The following SPOCK2 variants were observed in gnomAD, a reference collection of about 807,000 sequenced individuals.
SPOCK2 encodes testican-2.
In SPOCK2, 39 loss-of-function variants were observed where a neutral mutation model predicts 60.1. That is an observed-to-expected ratio of 0.65 (90% CI 0.50 to 0.85). SPOCK2 has a LOEUF of 0.85. Among genes scored for constraint, SPOCK2 ranks in the 40% least tolerant of loss-of-function variants. The pLI is 0.00. For synonymous variants in SPOCK2, 217 were observed against 231.5 expected, an observed-to-expected ratio of 0.94 and a Z score of 0.57; for missense variants, 523 against 567.4, an observed-to-expected ratio of 0.92 and a Z score of 0.80.
At chr10:72,078,194 A>G (rs1840738981) in intron 1 of SPOCK2, among the ~76,000 whole-genome samples, 1 of 152,202 alleles carries the variant, frequency 6.6e-6, no homozygotes, top group Non-Finnish European at 1.5e-5. Context: ...TGTAATAAAG[A>G]GAAAAAACAT....
chr10:72,073,406 AG>A (rs1317828408), intron 1 of SPOCK2, among the ~76,000 whole-genome samples: 2 of 152,190 alleles, frequency 1.3e-5, no homozygotes, highest in African/African-American at 2.4e-5. Context: ...CAGTCTGCAA[AG>A]GGATGCTTTT....
At chr10:72,072,954 G>A (rs1243711229) in intron 1 of SPOCK2, 44 bp from the exon 2 acceptor site, 3 of 1,552,594 alleles carry the variant, frequency 1.9e-6, no homozygotes, top group Admixed American at 2.0e-5. Flanking sequence ...AACGGAGCAG[G>A]AAGAGAAAGG....
intron 7 of SPOCK2, 76 bp from the exon 8 acceptor site, chr10:72,067,196 G>A (rs980536584): frequency 3.3e-5 from 46 of 1,410,976 alleles, no homozygotes; most frequent in African/African-American, 3.1e-4. Context: ...TCTCCGCCTC[G>A]CCATCAGCCC....
rs1467761078 is a variant in SPOCK2 at position 72,088,223 on chromosome 10, C to A, written c.106G>T (p.Gly36Cys). 1 of 1,612,456 alleles carries A rather than the reference C, an allele frequency of 6.2e-7. No individual in the cohort carries two copies. Among genetic ancestry groups the A allele is most frequent in the African/African-American group, 1.3e-5 (1 of 74,894 alleles). ...CATTGCTCGTCCTCCATGAAATTGCCGGGGGTCTCGCCCTCCTTGAGCCCC... is the reference window on the plus strand; with the variant it reads ...CATTGCTCGTCCTCCATGAAATTGCAGGGGGTCTCGCCCTCCTTGAGCCCC... Reference protein sequence around the residue: ...AKGLKEGETPGNFMEDEQWLS... With the variant: ...AKGLKEGETPCNFMEDEQWLS... The change falls in exon 1 of 11, where the codon GGC (glycine) becomes TGC (cysteine). Residue 36 changes from glycine to cysteine, a missense_variant. By Grantham distance (159) the Gly-to-Cys change is radical (BLOSUM62 -3). Coordinates refer to ENST00000373109, the MANE Select transcript of SPOCK2 (RefSeq NM_001244950.2).
chr10:72,063,044 C>G lies in SPOCK2; in HGVS notation c.1110G>C (p.Thr370=). 1.3e-6 allele frequency: 2 copies of G among 1,553,788 alleles called. No individual in the cohort carries two copies. The highest frequency in any genetic ancestry group is 1.2e-5 in the South Asian group (1 of 84,252). The change falls in exon 10 of 11, where the codon ACG becomes ACC. Residue 370 remains threonine, a synonymous_variant. Coordinates refer to ENST00000373109, the MANE Select transcript of SPOCK2 (RefSeq NM_001244950.2). ...CCGTACCGCAGTCGGGGCTCCCATG[C>G]GTGCGCGTGCCAGTCAGCTCCAGGC... ...QLGLELTGTR[T]HGSPDCDDIV...
chr10:72,076,837 G>T (rs11592980), intron 1 of SPOCK2, among the ~76,000 whole-genome samples: 1 of 152,266 alleles, frequency 6.6e-6, no homozygotes, highest in East Asian at 1.9e-4. Flanking sequence ...AGGAGAAAAC[G>T]AAGGCTCAGA....
chr10:72,072,027 T>C, intron 4 of SPOCK2, 117 bp downstream of exon 4: 1 of 808,778 alleles, frequency 1.2e-6, no homozygotes, highest in Non-Finnish European at 1.8e-6. Context: ...TTTTAAGCAC[T>C]AAGTTTTACA....
chr10:72,086,608 G>A, intron 1 of SPOCK2: 1 of 1,193,758 alleles, frequency 8.4e-7, no homozygotes, highest in Non-Finnish European at 1.1e-6. Context: ...CGGCTCATCT[G>A]CGCTGGGCCT....
intron 9 of SPOCK2, 99 bp from the exon 10 acceptor site, chr10:72,063,261 A>G (rs1668172): frequency 0.57 from 844,749 of 1,493,402 alleles, 243,443 homozygotes; most frequent in African/African-American, 0.87. Context: ...AGAAGTCTAT[A>G]CACCCCCAGA....
In SPOCK2 at chr10:72,062,845, T is replaced by C; in HGVS notation, c.1190A>G (p.Glu397Gly). 1 of 1,605,698 alleles carries C rather than the reference T, an allele frequency of 6.2e-7. No homozygotes were observed. Among genetic ancestry groups the C allele is most frequent in the Admixed American group, 1.7e-5 (1 of 59,160 alleles). Residue 397 changes from glutamate (E) to glycine (G), a missense_variant, in exon 11 of 11, where the codon GAG becomes GGG. Physicochemically the swap from Glu to Gly is moderately conservative, Grantham distance 98. Transcript: ENST00000373109. The surrounding 1 kb of genome is among the most constrained non-coding windows in gnomAD (Gnocchi z 4.3). ...GSGVGWEDEEEKETEEAGEEA... is the reference protein window; with the variant it reads ...GSGVGWEDEEGKETEEAGEEA... ...CTCGCCTGCTTCCTCCGTCTCCTTCTCCTCCTCATCCTCCCAGCCGACACC... is the reference window on the plus strand; with the variant it reads ...CTCGCCTGCTTCCTCCGTCTCCTTCCCCTCCTCATCCTCCCAGCCGACACC...
rs149165679 is a variant in SPOCK2 at position 72,070,415 on chromosome 10, G to A, written c.371C>T (p.Pro124Leu). The part of the protein sequence containing the change: ...RKKLEHRIKQ[P>L]TVKLHGNKDS... ...TTTGTTTCCATGGAGTTTCACGGTC[G>A]GCTGCTTGATCCTACAGGAGAGGGT... Residue 124 changes from proline (P) to leucine (L), a missense_variant, in exon 5 of 11, where the codon CCG becomes CTG. By Grantham distance (98) the Pro-to-Leu change is moderately conservative. Transcript: ENST00000373109. 2.2e-5 allele frequency: 35 copies of A among 1,614,124 alleles called. No homozygotes were observed. The highest frequency in any genetic ancestry group is 1.9e-4 in the African/African-American group (14 of 75,060).
At chr10:72,078,333 A>G (rs4328153) in intron 1 of SPOCK2, among the ~76,000 whole-genome samples, 9,285 of 151,938 alleles carry the variant, frequency 0.061, 948 homozygotes, top group African/African-American at 0.21. Context: ...ATAACACGGT[A>G]AAACCCCATC....
Position 72,062,962 on chromosome 10 carries a change from C to T in SPOCK2, c.1130-57G>A, listed in dbSNP as rs1840515124. 1 of 1,583,262 alleles carries T rather than the reference C, an allele frequency of 6.3e-7. No homozygotes were observed. Among genetic ancestry groups the T allele is most frequent in the African/African-American group, 1.3e-5 (1 of 74,510 alleles). The stretch of plus-strand genomic sequence containing the variant: ...GGAGCTTCTGGCACGCACCCCCCAG[C>T]ATCCCACGACAAGGGCCCCCAGGCC... On this transcript the variant is annotated intron_variant, in intron 10 of 10. Transcript: ENST00000373109. This position sits in a 1 kb window ranked among gnomAD's most constrained non-coding sequence, Gnocchi z 4.3.
Position 72,069,468 on chromosome 10 carries a change from C to CTT in SPOCK2, c.474+842_474+843dup, listed in dbSNP as rs869082110. ...TATCAGCACCTGCATTTCTATGTTA[C>CTT]TTTTTTTTTTTTTTTTTTGGAGACA... On this transcript the variant is annotated intron_variant, in intron 5 of 10. Coordinates refer to ENST00000373109, the MANE Select transcript of SPOCK2 (RefSeq NM_001244950.2). Among the ~76,000 whole-genome samples the CTT allele has an allele frequency of 1.4e-3, 199 of 138,596 alleles. 1 individual carries two copies. The highest frequency in any genetic ancestry group is 4.8e-3 in the African/African-American group (182 of 38,130). 90.9% of individuals were successfully genotyped at this position (138,596 alleles called of 152,430 possible). A position where few individuals can be genotyped will look rare whatever the true frequency, so the allele number is the denominator to read the frequency against.
chr10:72,062,886 C>G lies in SPOCK2; in HGVS notation c.1149G>C (p.Ser383=). 6.3e-7 allele frequency: 1 copy of G among 1,599,432 alleles called. No homozygotes were observed. The highest frequency in any genetic ancestry group is 8.5e-7 in the Non-Finnish European group (1 of 1,174,990). ...AGCCGACACCGCTTCCAAAGTCCCC[C>G]GAGAAGCCCACGATGTCATCTGTGA... The part of the protein sequence containing the change: ...SPDCDDIVGF[S]GDFGSGVGWE... Residue 383 remains serine, a synonymous_variant, in exon 11 of 11, where the codon TCG becomes TCC. Coordinates refer to ENST00000373109, the MANE Select transcript of SPOCK2 (RefSeq NM_001244950.2). This position sits in a 1 kb window ranked among gnomAD's most constrained non-coding sequence, Gnocchi z 4.3.
chr10:72,069,940 C>T (rs1840622363), intron 5 of SPOCK2: 1 of 174,776 alleles, frequency 5.7e-6, no homozygotes, highest in Non-Finnish European at 1.2e-5. Flanking sequence ...TGTGGAAATC[C>T]TCCTTTCTTC....
rs1489138499 is a variant in SPOCK2, at chr10:72,077,784, A to T, written c.190-4874T>A. On this transcript the variant is annotated intron_variant, in intron 1 of 10. Coordinates refer to ENST00000373109, the MANE Select transcript of SPOCK2 (RefSeq NM_001244950.2). Reference sequence around the variant, plus strand: ...CCAATTCCAGGCCCGTTCCTGGAGCACGCTTACCGTGCCACCCTCACCAAC... The same window carrying T: ...CCAATTCCAGGCCCGTTCCTGGAGCTCGCTTACCGTGCCACCCTCACCAAC... Among the ~76,000 whole-genome samples the T allele has an allele frequency of 2.6e-5, 4 of 152,144 alleles. No homozygotes were observed. In the East Asian group the frequency reaches 7.7e-4, roughly 29 times the overall value.
chr10:72,067,699 C>T lies in SPOCK2; in HGVS notation c.623G>A (p.Gly208Glu). 1 of 1,613,812 alleles carries T rather than the reference C, an allele frequency of 6.2e-7. No homozygotes were observed. Among genetic ancestry groups the T allele is most frequent in the Non-Finnish European group, 8.5e-7 (1 of 1,179,970 alleles). Residue 208 changes from glycine (G) to glutamate (E), a missense_variant, in exon 7 of 11, where the codon GGA becomes GAA. Coordinates refer to ENST00000373109, the MANE Select transcript of SPOCK2 (RefSeq NM_001244950.2). ...TCTGQDLADL[G>E]DRLRDWFQLL... ...CTGGAACCAGTCCCGCAGCCGATCT[C>T]CCAGGTCAGCCAGGTCCTGACCGGT...
At chr10:72,073,724 C>T (rs1840678922) in intron 1 of SPOCK2, among the ~76,000 whole-genome samples, 1 of 152,214 alleles carries the variant, frequency 6.6e-6, no homozygotes, top group African/African-American at 2.4e-5. Context: ...ACCTTCTCAC[C>T]CTGCTCCAGC....
Sources: allele counts gnomAD v4.1 joint callset (sites outside exome capture counted in the v4.1 genomes callset), GRCh38; gene constraint gnomAD v4.1.1; non-coding constraint Gnocchi (gnomAD v3.1); transcripts MANE v1.5; gene names NCBI Gene and HGNC (gene_info 2026-07-23, HGNC 2026-07-21).